Variants in ZNF532 observed in about 807,000 individuals in gnomAD.
ZNF532 encodes zinc finger protein 532.
Under a neutral mutation model 89.3 loss-of-function variants are expected in ZNF532, and 22 were observed. The ratio of observed to expected loss-of-function variants is 0.25; its 90% confidence interval spans 0.18 to 0.35. The LOEUF (loss-of-function observed/expected upper bound fraction) is 0.35, where lower values mean the gene tolerates loss of function less well. Among genes scored for constraint, ZNF532 ranks in the 10% least tolerant of loss-of-function variants. The pLI is 1.00. For missense variants in ZNF532, 1,132 were observed against 1,643.4 expected, an observed-to-expected ratio of 0.69 and a Z score of 5.38; for synonymous variants, 606 against 649.6, an observed-to-expected ratio of 0.93 and a Z score of 1.02.
At chr18:58,894,394 G>C (rs371704337) in intron 2 of ZNF532, among the ~76,000 whole-genome samples, 1 of 151,542 alleles carries the variant, frequency 6.6e-6, no homozygotes, top group Non-Finnish European at 1.5e-5. Context: ...TTGAACCTGA[G>C]GGGTGGAGGT....
intron 2 of ZNF532, among the ~76,000 whole-genome samples, chr18:58,906,814 T>C (rs2059962142): frequency 6.6e-6 from 1 of 151,270 alleles, no homozygotes; most frequent in African/African-American, 2.5e-5. Context: ...CCAGTATTAA[T>C]ACTATGTAGG....
intron 3 of ZNF532, among the ~76,000 whole-genome samples, chr18:58,923,768 A>G (rs2061315893): frequency 6.6e-6 from 1 of 152,228 alleles, no homozygotes; most frequent in Non-Finnish European, 1.5e-5. Context: ...TAAAACACAC[A>G]TGACTGCTTA....
intron 3 of ZNF532, chr18:58,932,377 T>G (rs527289444): frequency 6.6e-6 from 1 of 150,404 alleles, no homozygotes; most frequent in East Asian, 1.9e-4. Context: ...AATGTGCAAA[T>G]TTTTTTCAGG....
intron 3 of ZNF532, among the ~76,000 whole-genome samples, chr18:58,932,044 G>A (rs144341138): frequency 3.1e-4 from 47 of 152,296 alleles, no homozygotes; most frequent in Non-Finnish European, 6.0e-4. Flanking sequence ...TCTGTACGTG[G>A]ATATGCATGC....
Position 58,984,259 on chromosome 18 carries a change from A to G in ZNF532, c.3699A>G (p.Pro1233=). 1.2e-6 allele frequency: 2 copies of G among 1,612,028 alleles called. No individual in the cohort carries two copies. Among genetic ancestry groups the G allele is most frequent in the Non-Finnish European group, 8.5e-7 (1 of 1,179,854 alleles). ...TACACAAGTTAAAGGAACCTCAGCCAGTGTCCAAGCAAAATGGGGCTGGGG... is the reference window on the plus strand; with the variant it reads ...TACACAAGTTAAAGGAACCTCAGCCGGTGTCCAAGCAAAATGGGGCTGGGG... ...FIVHKLKEPQ[P]VSKQNGAGED... The change falls in exon 10 of 10, where the codon CCA becomes CCG. Residue 1233 remains proline, a synonymous_variant. Transcript: ENST00000591808.
chr18:58,975,171 C>CT (rs1249350513), intron 7 of ZNF532, among the ~76,000 whole-genome samples: 1 of 152,118 alleles, frequency 6.6e-6, no homozygotes, highest in East Asian at 1.9e-4. Flanking sequence ...TTGGTTTTTC[C>CT]TTTTTCATAA....
At chr18:58,866,921 T>A (rs1054985046) in intron 2 of ZNF532, among the ~76,000 whole-genome samples, 2 of 152,232 alleles carry the variant, frequency 1.3e-5, no homozygotes, top group Non-Finnish European at 2.9e-5. Flanking sequence ...AACAAAATTC[T>A]TTACAAATCA....
chr18:58,962,093 G>A (rs894105536), intron 7 of ZNF532, among the ~76,000 whole-genome samples: 6 of 152,142 alleles, frequency 3.9e-5, no homozygotes, highest in African/African-American at 1.2e-4. Flanking sequence ...GGGCATGGTG[G>A]CGGGCATCTG....
In ZNF532 at chr18:58,875,144, T is replaced by TCC. The variant is rs141203651; in HGVS notation, c.-18+9572_-18+9573dup. On this transcript the variant is annotated intron_variant, in intron 2 of 9. Coordinates refer to ENST00000591808, the MANE Select transcript of ZNF532 (RefSeq NM_001375912.1). ...CATAACATTTTGGCTATTTCACCTT[T>TCC]CCCCCCCCTTTTTTTCTCTTTTTCA... Among the ~76,000 whole-genome samples, 264 of 151,390 alleles carry TCC rather than the reference T, an allele frequency of 1.7e-3. 1 individual carries two copies. The highest frequency in any genetic ancestry group is 9.8e-3 in the East Asian group (50 of 5,128).
chr18:58,948,563 CTT>C (rs1299930937), intron 6 of ZNF532, among the ~76,000 whole-genome samples: 4 of 133,668 alleles, frequency 3.0e-5, no homozygotes, highest in Non-Finnish European at 3.2e-5. Context: ...CTTTCCTTTC[CTT>C]TTTTTTTTTT....
intron 2 of ZNF532, among the ~76,000 whole-genome samples, chr18:58,876,878 A>G (rs2057471392): frequency 6.6e-6 from 1 of 152,138 alleles, no homozygotes; most frequent in South Asian, 2.1e-4. Context: ...AGCCTGGGCA[A>G]CATGGTAAAC....
At chr18:58,877,994 C>G (rs924749032) in intron 2 of ZNF532, among the ~76,000 whole-genome samples, 1 of 152,078 alleles carries the variant, frequency 6.6e-6, no homozygotes, top group African/African-American at 2.4e-5. Context: ...GTGGCTCACA[C>G]CTGTAATCCC....
chr18:58,934,452 A>C lies in ZNF532; in HGVS notation c.2366A>C (p.Gln789Pro). 6.2e-7 allele frequency: 1 copy of C among 1,613,944 alleles called. No homozygotes were observed. Among genetic ancestry groups the C allele is most frequent in the South Asian group, 1.1e-5 (1 of 91,062 alleles). The change falls in exon 4 of 10, where the codon CAG (glutamine) becomes CCG (proline). Residue 789 changes from glutamine to proline, a missense_variant. Transcript: ENST00000591808. ...GTTTAGAAGACTTGCACTATCTGCCAGATGCTGCTTCCTAACCAGTGCAGT... is the reference window on the plus strand; with the variant it reads ...GTTTAGAAGACTTGCACTATCTGCCCGATGCTGCTTCCTAACCAGTGCAGT... ...TSGQKTCTICQMLLPNQCSYA... is the reference protein window; with the variant it reads ...TSGQKTCTICPMLLPNQCSYA...
intron 7 of ZNF532, among the ~76,000 whole-genome samples, chr18:58,969,673 A>G (rs2066267302): frequency 6.6e-6 from 1 of 152,094 alleles, no homozygotes; most frequent in African/African-American, 2.4e-5. Context: ...TCATTAGGTT[A>G]GCTTTTTTGA....
chr18:58,934,734 C>T (rs2062232794), intron 4 of ZNF532, 120 bp downstream of exon 4: 1 of 950,250 alleles, frequency 1.1e-6, no homozygotes, highest in Non-Finnish European at 1.6e-6. Context: ...TTAACAGATC[C>T]TCTGGGAACC....
At chr18:58,922,987 A>G (rs1437034233) in intron 3 of ZNF532, among the ~76,000 whole-genome samples, 3 of 152,306 alleles carry the variant, frequency 2.0e-5, no homozygotes, top group South Asian at 2.1e-4. Flanking sequence ...AGAGATGAAC[A>G]TCTTTTCTTT....
At chr18:58,964,788 G>A (rs1436680696) in intron 7 of ZNF532, among the ~76,000 whole-genome samples, 3 of 151,716 alleles carry the variant, frequency 2.0e-5, no homozygotes, top group South Asian at 2.1e-4. Context: ...TAGGGAGTTC[G>A]GGGTAGAGGG....
At chr18:58,893,843 A>G (rs1347244298) in intron 2 of ZNF532, among the ~76,000 whole-genome samples, 1 of 152,190 alleles carries the variant, frequency 6.6e-6, no homozygotes, top group Non-Finnish European at 1.5e-5. Flanking sequence ...CAGAGAGAGC[A>G]GTGGTTACAT....
At chr18:58,870,486 C>T (rs1392503548) in intron 2 of ZNF532, among the ~76,000 whole-genome samples, 6 of 152,054 alleles carry the variant, frequency 3.9e-5, no homozygotes, top group South Asian at 4.2e-4. Flanking sequence ...TGTGGGTGTG[C>T]GAGGGGATGG....
Sources: gnomAD v4.1 joint callset for allele counts (sites outside exome capture counted in the v4.1 genomes callset) on GRCh38, gnomAD v4.1.1 for gene constraint, MANE v1.5 for transcripts, NCBI Gene and HGNC (gene_info 2026-07-23, HGNC 2026-07-21) for gene names.